The following BTAF1 variants were observed in gnomAD, a reference collection of about 807,000 sequenced individuals.
The protein encoded by BTAF1 is B-TFIID TATA-box binding protein associated factor 1.
Under a neutral mutation model 227.1 loss-of-function variants are expected in BTAF1, and 38 were observed. The observed-to-expected ratio is 0.17, with a 90% CI of 0.13 to 0.22. BTAF1 has a LOEUF of 0.22. Among genes scored for constraint, BTAF1 ranks in the 10% least tolerant of loss-of-function variants. The pLI is 1.00. For missense variants in BTAF1, 1,598 were observed against 2,204.0 expected (o/e 0.73, Z 5.51); for synonymous variants, 742 against 751.9 (o/e 0.99, Z 0.21).
intron 14 of BTAF1, among the ~76,000 whole-genome samples, chr10:91,967,290 T>A (rs562023406): frequency 6.6e-6 from 1 of 152,292 alleles, no homozygotes; most frequent in South Asian, 2.1e-4. Flanking sequence ...TCAGATAATA[T>A]CAGTGTGTAA....
chr10:91,968,342 T>C (rs966944118), intron 14 of BTAF1, among the ~76,000 whole-genome samples: 4 of 152,220 alleles, frequency 2.6e-5, no homozygotes, highest in Non-Finnish European at 5.9e-5. Context: ...CTTAGCAATA[T>C]GAAATTAAGG....
At chr10:91,934,681 T>C (rs1844486977) in intron 1 of BTAF1, among the ~76,000 whole-genome samples, 1 of 152,218 alleles carries the variant, frequency 6.6e-6, no homozygotes, top group Non-Finnish European at 1.5e-5. Flanking sequence ...CAGCTACTTC[T>C]GTAGCTGTAT....
In BTAF1 at chr10:91,960,754, G is replaced by A. The variant is rs572246626; in HGVS notation, c.1263+600G>A. Among the ~76,000 whole-genome samples the A allele has an allele frequency of 4.6e-5, 7 of 152,270 alleles. No homozygotes were observed. In the South Asian group the frequency reaches 1.5e-3, roughly 32 times the overall value. On this transcript the variant is annotated intron_variant, in intron 11 of 37. Transcript: ENST00000265990. Reference sequence around the variant, plus strand: ...ACTAGAACTAGAAACTAAATGGCATGTCTTATAGAACAGTGTTTAGTGTAA... The same window carrying A: ...ACTAGAACTAGAAACTAAATGGCATATCTTATAGAACAGTGTTTAGTGTAA...
At chr10:91,988,256 T>C (rs1039548006) in intron 19 of BTAF1, among the ~76,000 whole-genome samples, 3 of 152,230 alleles carry the variant, frequency 2.0e-5, no homozygotes, top group Non-Finnish European at 2.9e-5. Flanking sequence ...ATCTTATTTA[T>C]CTTTTAATAA....
At chr10:92,026,407 G>A (rs144796527) in intron 35 of BTAF1, among the ~76,000 whole-genome samples, 185 bp from the exon 36 acceptor site, 59 of 152,190 alleles carry the variant, frequency 3.9e-4, no homozygotes, top group African/African-American at 1.4e-3. Context: ...GAATAGCTTT[G>A]GAATGCCCTC....
intron 30 of BTAF1, 71 bp downstream of exon 30, chr10:92,011,486 G>A (rs1211015767): frequency 1.4e-6 from 1 of 722,334 alleles, no homozygotes. Context: ...TGGAGGGTAG[G>A]CTTGGTATTT....
intron 4 of BTAF1, among the ~76,000 whole-genome samples, chr10:91,944,146 C>CT (rs1845203812): frequency 1.8e-5 from 2 of 113,514 alleles, no homozygotes; most frequent in African/African-American, 6.4e-5. Flanking sequence ...GAGTGAAACT[C>CT]TGTCTCCAAA....
Position 92,014,143 on chromosome 10 carries a change from A to G in BTAF1, c.4584+114A>G, listed in dbSNP as rs138829041. The stretch of plus-strand genomic sequence containing the variant: ...TAGCCTTTGGCTTTATCAGATGCAG[A>G]TAAAGCCTAAATGATGTGGATGTAA... On this transcript the variant is annotated intron_variant, in intron 32 of 37. Coordinates refer to ENST00000265990, the MANE Select transcript of BTAF1 (RefSeq NM_003972.3). The G allele has an allele frequency of 1.1e-4, 125 of 1,103,356 alleles. 1 individual carries two copies. The East Asian group carries it at 2.9e-3, about 25-fold the overall frequency. The allele number at this position is 1,103,356 out of a possible 1,614,324, so 68.3% of individuals were successfully genotyped here. A position where few individuals can be genotyped will look rare whatever the true frequency, so the allele number is the denominator to read the frequency against.
intron 6 of BTAF1, among the ~76,000 whole-genome samples, chr10:91,954,242 G>C (rs554877371): frequency 5.3e-5 from 8 of 152,216 alleles, no homozygotes; most frequent in African/African-American, 1.9e-4. Context: ...GAGTGATAGA[G>C]AATGAAATCA....
chr10:91,968,789 A>G (rs1847097774), intron 14 of BTAF1, among the ~76,000 whole-genome samples: 1 of 152,210 alleles, frequency 6.6e-6, no homozygotes, highest in African/African-American at 2.4e-5. Flanking sequence ...CTAGTGATAC[A>G]TGATGTTAAG....
chr10:91,951,852 A>G (rs961251008), intron 5 of BTAF1, among the ~76,000 whole-genome samples: 1 of 152,000 alleles, frequency 6.6e-6, no homozygotes, highest in Non-Finnish European at 1.5e-5. Flanking sequence ...TTTTTTTGGT[A>G]TGTTCTTTGA....
At chr10:91,996,693 ATTC>A in intron 24 of BTAF1, 123 bp downstream of exon 24, 3 of 849,428 alleles carry the variant, frequency 3.5e-6, no homozygotes, top group Non-Finnish European at 5.3e-6. Flanking sequence ...AAAAATACCT[ATTC>A]TTTTTACATC....
intron 14 of BTAF1, among the ~76,000 whole-genome samples, chr10:91,970,808 G>C (rs1273415944): frequency 6.6e-6 from 1 of 152,222 alleles, no homozygotes; most frequent in Non-Finnish European, 1.5e-5. Context: ...CAGTATGTGA[G>C]AGATGTCAGA....
At chr10:91,984,583 G>T (rs1417516878) in intron 19 of BTAF1, among the ~76,000 whole-genome samples, 179 bp downstream of exon 19, 1 of 152,084 alleles carries the variant, frequency 6.6e-6, no homozygotes, top group African/African-American at 2.4e-5. Context: ...CTTGAAATAA[G>T]AGAATAACAA....
chr10:91,947,141 C>T (rs1378555096), intron 4 of BTAF1, among the ~76,000 whole-genome samples: 1 of 152,194 alleles, frequency 6.6e-6, no homozygotes, highest in Non-Finnish European at 1.5e-5. Context: ...TCACCCCCAG[C>T]CTGATTTACA....
intron 34 of BTAF1, among the ~76,000 whole-genome samples, chr10:92,019,890 T>G (rs1260120964): frequency 5.6e-5 from 2 of 35,954 alleles, no homozygotes; most frequent in Non-Finnish European, 1.3e-4. Context: ...TTGTTGTTGC[T>G]GTTTTTTTTT....
In BTAF1 at chr10:91,984,222, GCTGTGCAGCCGCGT is replaced by G; in HGVS notation, c.2246_2259del (p.Ala749ValfsTer3). ...TTAGGAGTGTAAAGCTGTTACCTTA[GCTGTGCAGCCGCGT>G]TTACTTGATATCCTTTCAGAACATT... On this transcript the variant is annotated frameshift_variant, in exon 19 of 38. Transcript: ENST00000265990. LOFTEE classifies it high-confidence loss of function. 6.2e-7 allele frequency: 1 copy of G among 1,613,756 alleles called. No homozygotes were observed. Among genetic ancestry groups the G allele is most frequent in the Non-Finnish European group, 8.5e-7 (1 of 1,179,858 alleles).
chr10:91,981,208 A>C (rs11186780), intron 15 of BTAF1, among the ~76,000 whole-genome samples: 41,501 of 152,066 alleles, frequency 0.27, 6,928 homozygotes, highest in Non-Finnish European at 0.38. Context: ...ATCATGAATC[A>C]AAACTTATAC....
chr10:92,001,983 TATACAC>T (rs1246513570), intron 25 of BTAF1, among the ~76,000 whole-genome samples: 78 of 89,328 alleles, frequency 8.7e-4, no homozygotes, highest in African/African-American at 2.3e-3. Context: ...TATATATATA[TATACAC>T]ACACACACAC....
Sources: allele counts gnomAD v4.1 joint callset (sites outside exome capture counted in the v4.1 genomes callset), GRCh38; gene constraint gnomAD v4.1.1; transcripts MANE v1.5; gene names NCBI Gene and HGNC (gene_info 2026-07-23, HGNC 2026-07-21).